Variants in GPC5 observed in about 807,000 individuals in gnomAD.
GPC5 encodes glypican 5, also known as glypican-5.
A neutral mutation model predicts 53.9 loss-of-function variants in GPC5; 47 were observed. That is an observed-to-expected ratio of 0.87 (90% CI 0.69 to 1.11). GPC5 has a LOEUF of 1.11. Ranked by LOEUF, GPC5 falls within the 50% of genes most tolerant of loss-of-function variation. The probability of loss-of-function intolerance (pLI) is 0.00; values close to 1 mark genes in which losing one functional copy is unlikely to be tolerated. For synonymous variants in GPC5, 286 were observed against 263.3 expected (o/e 1.09, Z -0.84); for missense variants, 748 against 713.1 (o/e 1.05, Z -0.56).
At chr13:92,676,375 T>G (rs1015649008) in intron 7 of GPC5, among the ~76,000 whole-genome samples, 5 of 152,212 alleles carry the variant, frequency 3.3e-5, no homozygotes, top group African/African-American at 1.2e-4. Flanking sequence ...ATTCCAAATA[T>G]ATCTCTACTG....
chr13:91,827,422 T>C (rs761040218), intron 5 of GPC5, among the ~76,000 whole-genome samples: 10 of 151,830 alleles, frequency 6.6e-5, no homozygotes, highest in Non-Finnish European at 1.3e-4. Flanking sequence ...AAAATCTATA[T>C]TGGGTAAAGG....
chr13:92,032,635 T>TTAC (rs1426862372), intron 6 of GPC5, among the ~76,000 whole-genome samples: 3 of 152,154 alleles, frequency 2.0e-5, no homozygotes, highest in African/African-American at 4.8e-5. Context: ...ACCTATTTTC[T>TTAC]TACTATGTAT....
chr13:92,702,489 T>A (rs1283845856), intron 7 of GPC5, among the ~76,000 whole-genome samples: 1 of 152,000 alleles, frequency 6.6e-6, no homozygotes, highest in Non-Finnish European at 1.5e-5. Flanking sequence ...TGGCCAAAAA[T>A]CTTGGATGAA....
intron 2 of GPC5, among the ~76,000 whole-genome samples, chr13:91,481,664 A>G (rs1443061684): frequency 4.6e-5 from 7 of 152,166 alleles, no homozygotes; most frequent in African/African-American, 1.7e-4. Flanking sequence ...CTTCTACTTA[A>G]TTATCGAAAG....
chr13:92,832,862 G>T (rs1878094542), intron 7 of GPC5, among the ~76,000 whole-genome samples: 1 of 152,196 alleles, frequency 6.6e-6, no homozygotes, highest in Admixed American at 6.5e-5. Context: ...ACAAAAATTA[G>T]CTGGGCATGG....
intron 2 of GPC5, among the ~76,000 whole-genome samples, chr13:91,528,820 T>C (rs531259378): frequency 6.6e-6 from 1 of 152,224 alleles, no homozygotes; most frequent in South Asian, 2.1e-4. Flanking sequence ...GAAAGGCACA[T>C]CTTACATGGC....
intron 7 of GPC5, among the ~76,000 whole-genome samples, chr13:92,284,688 A>G (rs2042941018): frequency 2.6e-5 from 4 of 152,214 alleles, no homozygotes; most frequent in South Asian, 2.1e-4. Context: ...ACAAAATTCA[A>G]CAGCCCTTCA....
chr13:92,736,400 T>G (rs1443561601), intron 7 of GPC5, among the ~76,000 whole-genome samples: 1 of 151,964 alleles, frequency 6.6e-6, no homozygotes, highest in Non-Finnish European at 1.5e-5. Context: ...CTAAGGTCAA[T>G]TTAACCCCCC....
intron 7 of GPC5, among the ~76,000 whole-genome samples, chr13:92,756,315 T>C (rs1874869008): frequency 6.6e-6 from 1 of 152,118 alleles, no homozygotes; most frequent in South Asian, 2.1e-4. Flanking sequence ...AAATTAGGTA[T>C]TGATGGGACA....
chr13:92,761,197 G>A (rs1875161637), intron 7 of GPC5, among the ~76,000 whole-genome samples: 1 of 152,084 alleles, frequency 6.6e-6, no homozygotes, highest in Non-Finnish European at 1.5e-5. Flanking sequence ...TCACTGTGTT[G>A]CTCAGGCTGG....
chr13:92,505,295 AG>A lies in GPC5; in HGVS notation c.1561+360309del, dbSNP rs1880328457. On this transcript the variant is annotated intron_variant, in intron 7 of 7. Transcript: ENST00000377067. ...GTAGCAGTAAGAATCAAATTTAAAA[AG>A]GGCAAAAGACTTGAACAGATGTTTC... Among the ~76,000 whole-genome samples the A allele has an allele frequency of 4.6e-5, 7 of 152,180 alleles. No homozygotes were observed. The South Asian group carries it at 1.4e-3, about 32-fold the overall frequency.
chr13:92,351,161 A>T (rs895547748), intron 7 of GPC5, among the ~76,000 whole-genome samples: 1 of 151,854 alleles, frequency 6.6e-6, no homozygotes, highest in African/African-American at 2.4e-5. Context: ...AAAATATTTT[A>T]AAAACCCTAA....
At chr13:92,622,491 C>T (rs1884907140) in intron 7 of GPC5, among the ~76,000 whole-genome samples, 2 of 152,108 alleles carry the variant, frequency 1.3e-5, no homozygotes, top group East Asian at 1.9e-4. Flanking sequence ...GAATGTTGTG[C>T]CTGGATTAAC....
chr13:92,338,409 G>C lies in GPC5; in HGVS notation c.1561+193420G>C, dbSNP rs542881025. ...GTTAAATATACTCTTATATGTTCCAGCAATCACAGTACCCAAATGAATTCA... is the reference window on the plus strand; with the variant it reads ...GTTAAATATACTCTTATATGTTCCACCAATCACAGTACCCAAATGAATTCA... On this transcript the variant is annotated intron_variant, in intron 7 of 7. Transcript: ENST00000377067. 3.3e-5 allele frequency among the ~76,000 whole-genome samples: 5 copies of C among 152,130 alleles called. No individual in the cohort carries two copies. The South Asian group carries it at 1.0e-3, about 32-fold the overall frequency.
chr13:91,883,914 T>G (rs2039294964), intron 5 of GPC5, among the ~76,000 whole-genome samples: 1 of 152,068 alleles, frequency 6.6e-6, no homozygotes, highest in African/African-American at 2.4e-5. Flanking sequence ...CCACTAGTTG[T>G]TTTTCCTGAT....
intron 6 of GPC5, among the ~76,000 whole-genome samples, chr13:92,057,291 AAAAAAAC>A (rs1028461796): frequency 2.8e-5 from 3 of 107,270 alleles, no homozygotes; most frequent in African/African-American, 6.5e-5. Flanking sequence ...TGTGGAAAAC[AAAAAAAC>A]AAAAAACAAA....
intron 7 of GPC5, among the ~76,000 whole-genome samples, chr13:92,709,213 ATTTT>A (rs879838843): frequency 7.4e-6 from 1 of 135,572 alleles, no homozygotes; most frequent in Non-Finnish European, 1.6e-5. Flanking sequence ...CGCCCAGCTA[ATTTT>A]TTTTTTTTTT....
At chr13:92,136,636 G>C (rs1253049682) in intron 6 of GPC5, among the ~76,000 whole-genome samples, 3 of 152,104 alleles carry the variant, frequency 2.0e-5, no homozygotes, top group South Asian at 4.1e-4. Flanking sequence ...ATCGTAAGAG[G>C]AAGGGAAAAA....
chr13:92,178,997 C>G (rs1040049486), intron 7 of GPC5, among the ~76,000 whole-genome samples: 2 of 147,754 alleles, frequency 1.4e-5, no homozygotes, highest in East Asian at 3.9e-4. Context: ...AATAAATAAA[C>G]TAGTTTATTG....
Sources: allele counts gnomAD v4.1 joint callset (sites outside exome capture counted in the v4.1 genomes callset), GRCh38; gene constraint gnomAD v4.1.1; transcripts MANE v1.5; gene names NCBI Gene and HGNC (gene_info 2026-07-23, HGNC 2026-07-21).